The following GRK5 variants were observed in gnomAD, a reference collection of about 807,000 sequenced individuals.
GRK5 encodes the protein g protein-coupled receptor kinase GRK5.
GRK5 carries 40 observed loss-of-function variants against 78.4 expected under a neutral mutation model. That is an observed-to-expected ratio of 0.51 (90% CI 0.40 to 0.66). GRK5 has a LOEUF of 0.66. Among genes scored for constraint, GRK5 ranks in the 30% least tolerant of loss-of-function variants. The pLI, the probability that GRK5 is intolerant of heterozygous loss-of-function variation, is 0.00. For synonymous variants in GRK5, 289 were observed against 296.8 expected (o/e 0.97, Z 0.27); for missense variants, 598 against 759.9 (o/e 0.79, Z 2.50).
intron 12 of GRK5, among the ~76,000 whole-genome samples, chr10:119,446,372 G>C (rs1223437917): frequency 6.6e-6 from 1 of 152,200 alleles, no homozygotes; most frequent in Non-Finnish European, 1.5e-5. Context: ...TAATAACCTG[G>C]ATTTTCTGGC....
chr10:119,273,102 C>T lies in GRK5; in HGVS notation c.53-53414C>T, dbSNP rs539233331. Among the ~76,000 whole-genome samples, 8 of 152,326 alleles carry T rather than the reference C, an allele frequency of 5.3e-5. No individual in the cohort carries two copies. In the South Asian group the frequency reaches 1.2e-3, roughly 24 times the overall value. Reference sequence around the variant, plus strand: ...CGTATTCCATGCCTCGGAATATGAACAAAACCAGACCGGCGATGGCTTAAG... The same window carrying T: ...CGTATTCCATGCCTCGGAATATGAATAAAACCAGACCGGCGATGGCTTAAG... On this transcript the variant is annotated intron_variant, in intron 1 of 15. Transcript: ENST00000392870.
intron 2 of GRK5, among the ~76,000 whole-genome samples, chr10:119,350,120 G>T (rs190798475): frequency 6.6e-6 from 1 of 152,352 alleles, no homozygotes; most frequent in East Asian, 1.9e-4. Context: ...GGCTGGGACG[G>T]GGCTGGAGGC....
chr10:119,454,800 A>G (rs926923176), intron 15 of GRK5, among the ~76,000 whole-genome samples, 169 bp from the exon 16 acceptor site: 2 of 152,152 alleles, frequency 1.3e-5, no homozygotes, highest in African/African-American at 4.8e-5. Context: ...AGCTCTTCCC[A>G]GGTACCTGTG....
chr10:119,344,866 G>GACCC (rs1373519456), intron 2 of GRK5, among the ~76,000 whole-genome samples: 3 of 84,142 alleles, frequency 3.6e-5, no homozygotes, highest in African/African-American at 1.2e-4. Flanking sequence ...CCAGCCACAA[G>GACCC]ACCCACCCTT....
chr10:119,294,457 A>G (rs1018951458), intron 1 of GRK5, among the ~76,000 whole-genome samples: 3 of 152,080 alleles, frequency 2.0e-5, no homozygotes, highest in Admixed American at 6.6e-5. Context: ...TCCTGACCCA[A>G]CCTGCCGCCA....
At chr10:119,259,886 A>T (rs148072348) in intron 1 of GRK5, among the ~76,000 whole-genome samples, 198 of 152,342 alleles carry the variant, frequency 1.3e-3, no homozygotes, top group African/African-American at 4.3e-3. Flanking sequence ...GTTTTTGGCG[A>T]TTATGAATAA....
At chr10:119,235,486 G>A (rs1352940709) in intron 1 of GRK5, among the ~76,000 whole-genome samples, 1 of 152,172 alleles carries the variant, frequency 6.6e-6, no homozygotes, top group Non-Finnish European at 1.5e-5. Flanking sequence ...TTTGTGGGCT[G>A]GCTGGCTGTG....
intron 2 of GRK5, among the ~76,000 whole-genome samples, chr10:119,347,117 G>A (rs1220880240): frequency 6.6e-6 from 1 of 152,152 alleles, no homozygotes; most frequent in African/African-American, 2.4e-5. Flanking sequence ...GCACTCTGTT[G>A]CCTCTCGGCC....
chr10:119,417,998 C>T lies in GRK5; in HGVS notation c.340-5168C>T, dbSNP rs537036248. ...AGAACCAGTGGCATAGAGCAGAGAG[C>T]GAGTCTGGGCCATAGGGAAGAGGTG... On this transcript the variant is annotated intron_variant, in intron 4 of 15. Coordinates refer to ENST00000392870, the MANE Select transcript of GRK5 (RefSeq NM_005308.3). Among the ~76,000 whole-genome samples the T allele has an allele frequency of 5.3e-5, 8 of 152,230 alleles. No homozygotes were observed. In the South Asian group the frequency reaches 1.5e-3, roughly 28 times the overall value.
chr10:119,451,872 A>C (rs1853294007), intron 13 of GRK5, among the ~76,000 whole-genome samples: 1 of 152,224 alleles, frequency 6.6e-6, no homozygotes, highest in South Asian at 2.1e-4. Context: ...TCAGGAGACT[A>C]TAAGCAGGAG....
At chr10:119,241,744 A>C (rs1056807607) in intron 1 of GRK5, among the ~76,000 whole-genome samples, 32 of 152,330 alleles carry the variant, frequency 2.1e-4, no homozygotes, top group South Asian at 1.2e-3. Context: ...GAGAGGAGGA[A>C]GAGCCGTTTT....
chr10:119,390,705 AAAAC>A (rs1851876201), intron 3 of GRK5, among the ~76,000 whole-genome samples: 1 of 152,332 alleles, frequency 6.6e-6, no homozygotes, highest in South Asian at 2.1e-4. Flanking sequence ...AAAATCTCAA[AAAAC>A]AAACAAAATA....
chr10:119,277,369 C>T (rs978235436), intron 1 of GRK5, among the ~76,000 whole-genome samples: 26 of 152,296 alleles, frequency 1.7e-4, no homozygotes, highest in African/African-American at 6.3e-4. Context: ...ATAAAAATAA[C>T]GATGTCTGTA....
chr10:119,358,898 G>C (rs752535014), intron 2 of GRK5, among the ~76,000 whole-genome samples: 1 of 152,058 alleles, frequency 6.6e-6, no homozygotes, highest in Non-Finnish European at 1.5e-5. Flanking sequence ...GTCCTTGCCC[G>C]GCCTTTCCTC....
At chr10:119,410,131 G>A (rs1341825804) in intron 4 of GRK5, among the ~76,000 whole-genome samples, 1 of 152,270 alleles carries the variant, frequency 6.6e-6, no homozygotes, top group African/African-American at 2.4e-5. Flanking sequence ...TTATCAAATT[G>A]ACAGAGCTCA....
At chr10:119,251,408 G>A (rs1305710012) in intron 1 of GRK5, among the ~76,000 whole-genome samples, 1 of 152,246 alleles carries the variant, frequency 6.6e-6, no homozygotes, top group African/African-American at 2.4e-5. Flanking sequence ...TGATGCCTGA[G>A]CTTTTCAAGA....
intron 3 of GRK5, among the ~76,000 whole-genome samples, chr10:119,396,155 T>A (rs1291111770): frequency 6.6e-6 from 1 of 152,232 alleles, no homozygotes; most frequent in African/African-American, 2.4e-5. Flanking sequence ...ATCACTTCCG[T>A]CTGTATAATC....
chr10:119,221,181 C>T (rs1047942763), intron 1 of GRK5, among the ~76,000 whole-genome samples: 4 of 152,008 alleles, frequency 2.6e-5, no homozygotes, highest in African/African-American at 7.2e-5. Context: ...TCCAAAGGAC[C>T]ATGTAAAGCA....
At chr10:119,340,735 G>A (rs1850968076) in intron 2 of GRK5, among the ~76,000 whole-genome samples, 1 of 152,210 alleles carries the variant, frequency 6.6e-6, no homozygotes, top group Non-Finnish European at 1.5e-5. Flanking sequence ...ACTTGGTCCT[G>A]TGGCCTTGGG....
Sources: gnomAD v4.1 joint callset for allele counts (sites outside exome capture counted in the v4.1 genomes callset) on GRCh38, gnomAD v4.1.1 for gene constraint, MANE v1.5 for transcripts, NCBI Gene and HGNC (gene_info 2026-07-23, HGNC 2026-07-21) for gene names.